Variants in PRKX observed in about 807,000 individuals in gnomAD.
PRKX encodes the protein cAMP-dependent protein kinase catalytic subunit PRKX.
In PRKX, 12 loss-of-function variants were observed where a neutral mutation model predicts 22.0. The observed-to-expected ratio is 0.54, with a 90% CI of 0.35 to 0.88. The LOEUF is 0.88. Among genes scored for constraint, PRKX ranks in the 40% least tolerant of loss-of-function variants. PRKX has a pLI of 0.01. For synonymous variants in PRKX, 134 were observed against 137.7 expected, an observed-to-expected ratio of 0.97 and a Z score of 0.19; for missense variants, 217 against 308.0, an observed-to-expected ratio of 0.70 and a Z score of 2.21.
At chrX:3,701,448 C>T (rs1928570772) in intron 1 of PRKX, among the ~76,000 whole-genome samples, 1 of 112,402 alleles carries the variant, frequency 8.9e-6, no homozygotes, top group Non-Finnish European at 1.9e-5. Context: ...TCAACCAGCC[C>T]ATGAAGAGGA....
intron 4 of PRKX, chrX:3,641,362 G>T (rs1927074765): frequency 2.5e-5 from 3 of 118,000 alleles, no homozygotes; most frequent in Admixed American, 2.5e-4. Context: ...GACCCAACCT[G>T]TGCCCCCCTG....
At chrX:3,705,650 C>T (rs1438618593) in intron 1 of PRKX, among the ~76,000 whole-genome samples, 1 of 110,117 alleles carries the variant, frequency 9.1e-6, no homozygotes, top group East Asian at 2.9e-4. Flanking sequence ...GGAAGGGATG[C>T]CTTAGGGCTT....
intron 6 of PRKX, among the ~76,000 whole-genome samples, chrX:3,620,783 G>T (rs1337788904): frequency 8.9e-6 from 1 of 111,902 alleles, no homozygotes; most frequent in Non-Finnish European, 1.9e-5. Flanking sequence ...TAACTGAAGG[G>T]TGCAGGGTTT....
At chrX:3,681,829 C>A (rs909195799) in intron 1 of PRKX, among the ~76,000 whole-genome samples, 2 of 109,757 alleles carry the variant, frequency 1.8e-5, no homozygotes, top group African/African-American at 6.6e-5. Context: ...ATCCCTCTTG[C>A]CTGTGACTTT....
chrX:3,662,998 TAAAAAAAAA>T (rs56411206), intron 2 of PRKX, among the ~76,000 whole-genome samples: 2 of 78,496 alleles, frequency 2.5e-5, no homozygotes, highest in African/African-American at 9.8e-5. Flanking sequence ...GCCCTGTCTT[TAAAAAAAAA>T]AAAAAAAAAA....
chrX:3,638,639 T>C (rs1926947057), intron 4 of PRKX, among the ~76,000 whole-genome samples: 1 of 111,197 alleles, frequency 9.0e-6, no homozygotes, highest in Non-Finnish European at 1.9e-5. Context: ...CAGCAAAGAG[T>C]AATGGAAAAT....
chrX:3,695,729 C>T (rs757294575), intron 1 of PRKX, among the ~76,000 whole-genome samples: 6 of 111,894 alleles, frequency 5.4e-5, no homozygotes, highest in African/African-American at 1.9e-4. Flanking sequence ...CTTAGGTTCT[C>T]CGAATGATCT....
intron 4 of PRKX, among the ~76,000 whole-genome samples, chrX:3,629,246 C>CT (rs370663764): frequency 3.1e-4 from 32 of 102,907 alleles, no homozygotes; most frequent in East Asian, 6.2e-4. Context: ...CAGTGAACTA[C>CT]TTTTTTTTTT....
At chrX:3,703,724 T>C (rs1466370495) in intron 1 of PRKX, among the ~76,000 whole-genome samples, 1 of 95,478 alleles carries the variant, frequency 1.0e-5, no homozygotes, top group African/African-American at 4.0e-5. Context: ...CAGGTTGGAG[T>C]GCAGTGGCAC....
At chrX:3,620,836 G>T (rs1471337339) in intron 6 of PRKX, among the ~76,000 whole-genome samples, 2 of 111,457 alleles carry the variant, frequency 1.8e-5, no homozygotes, top group African/African-American at 6.5e-5. Flanking sequence ...TAACCACAGG[G>T]GTGGCTGTAC....
intron 1 of PRKX, among the ~76,000 whole-genome samples, chrX:3,677,443 C>A (rs1927986447): frequency 1.9e-5 from 2 of 107,282 alleles, no homozygotes; most frequent in African/African-American, 3.4e-5. Context: ...GACCCTCCCA[C>A]CTCAGCCCAA....
At position 3,606,575 on chromosome X, in the gene PRKX, A is replaced by G. The variant is rs944013540; in HGVS notation, c.*2394T>C. Reference sequence around the variant, plus strand: ...TTTTAGTAGAGATGGGGGTTTTGCCATGTTGGCCAGGCTGGTCTCGAACTC... The same window carrying G: ...TTTTAGTAGAGATGGGGGTTTTGCCGTGTTGGCCAGGCTGGTCTCGAACTC... On this transcript the variant is annotated 3_prime_UTR_variant, in exon 9 of 9. Coordinates refer to ENST00000262848, the MANE Select transcript of PRKX (RefSeq NM_005044.5). The G allele has an allele frequency of 9.0e-6, 1 of 111,267 alleles. No homozygotes were observed. The highest frequency in any genetic ancestry group is 1.9e-5 in the Non-Finnish European group (1 of 53,022). The allele number at this position is 111,267 out of a possible 1,213,427, so 9.2% of individuals were successfully genotyped here.
chrX:3,606,513 G>C lies in PRKX; in HGVS notation c.*2456C>G, dbSNP rs1466623211. ...CCTGCCTCAGCCTCCCGAGTAGCCA[G>C]GATTACAGGTGCCCGCCACCACACC... is the stretch of plus-strand genomic sequence containing the variant. On this transcript the variant is annotated 3_prime_UTR_variant, in exon 9 of 9. Coordinates refer to ENST00000262848, the MANE Select transcript of PRKX (RefSeq NM_005044.5). The C allele has an allele frequency of 3.6e-5, 4 of 111,340 alleles. No individual in the cohort carries two copies. In the Admixed American group the frequency reaches 3.8e-4, roughly 11 times the overall value. 9.2% of individuals were successfully genotyped at this position (111,340 alleles called of 1,213,427 possible).
At chrX:3,642,954 C>T (rs866900741) in intron 3 of PRKX, among the ~76,000 whole-genome samples, 23 of 94,903 alleles carry the variant, frequency 2.4e-4, no homozygotes, top group African/African-American at 7.8e-4. Flanking sequence ...GCCAAGAATG[C>T]GCCACTGCAC....
intron 1 of PRKX, among the ~76,000 whole-genome samples, chrX:3,689,803 C>T (rs778232963): frequency 1.3e-3 from 146 of 111,310 alleles, no homozygotes; most frequent in African/African-American, 4.5e-3. Context: ...CGGTGAAACC[C>T]TGTCTCCACT....
At chrX:3,625,555 G>C (rs1179335726) in intron 5 of PRKX, among the ~76,000 whole-genome samples, 1 of 110,381 alleles carries the variant, frequency 9.1e-6, no homozygotes, top group Non-Finnish European at 1.9e-5. Context: ...GATTGGGTAA[G>C]GTAGCCAGAA....
At chrX:3,707,658 C>T (rs113289472) in intron 1 of PRKX, among the ~76,000 whole-genome samples, 4 of 105,774 alleles carry the variant, frequency 3.8e-5, no homozygotes, top group African/African-American at 1.6e-4. Context: ...TGTATTTTAA[C>T]TTAAATTAAA....
chrX:3,639,548 G>GTGGA (rs1213659636), intron 4 of PRKX, among the ~76,000 whole-genome samples: 1 of 73,786 alleles, frequency 1.4e-5, no homozygotes, highest in Non-Finnish European at 2.6e-5. Flanking sequence ...GGGTGGGTGG[G>GTGGA]TGGATGGATG....
intron 1 of PRKX, among the ~76,000 whole-genome samples, chrX:3,685,587 C>T (rs1928161833): frequency 9.0e-6 from 1 of 111,229 alleles, no homozygotes; most frequent in African/African-American, 3.3e-5. Context: ...ATTCAAACAT[C>T]GGCTTCCCAA....
Sources: gnomAD v4.1 joint callset for allele counts (sites outside exome capture counted in the v4.1 genomes callset) on GRCh38, gnomAD v4.1.1 for gene constraint, MANE v1.5 for transcripts, NCBI Gene and HGNC (gene_info 2026-07-23, HGNC 2026-07-21) for gene names.